Variants in CNOT10 observed in about 807,000 individuals in gnomAD.
CNOT10 encodes CCR4-NOT transcription complex subunit 10, also known as CCR4-NOT transcription complex, subunit 10.
CNOT10 carries 30 observed loss-of-function variants against 94.6 expected under a neutral mutation model. The observed-to-expected ratio is 0.32, with a 90% CI of 0.24 to 0.43. The LOEUF (loss-of-function observed/expected upper bound fraction) is 0.43. Ranked by LOEUF, CNOT10 falls within the 20% of genes least tolerant of loss-of-function variation. CNOT10 has a pLI of 1.00. For synonymous variants in CNOT10, 289 were observed against 301.6 expected (o/e 0.96, Z 0.43); for missense variants, 759 against 877.2 (o/e 0.87, Z 1.70).
At chr3:32,722,965 AAT>A (rs1392807746) in intron 8 of CNOT10, among the ~76,000 whole-genome samples, 2 of 152,204 alleles carry the variant, frequency 1.3e-5, no homozygotes, top group African/African-American at 4.8e-5. Context: ...TTAATTTAAA[AAT>A]ATGTCAGAAG....
At chr3:32,725,235 T>A (rs905718325) in intron 8 of CNOT10, among the ~76,000 whole-genome samples, 33 of 152,318 alleles carry the variant, frequency 2.2e-4, no homozygotes, top group African/African-American at 6.0e-4. Flanking sequence ...CTGGTTTTTT[T>A]AAAATAATTT....
intron 12 of CNOT10, 130 bp from the exon 13 acceptor site, chr3:32,737,280 A>T: frequency 1.7e-6 from 1 of 594,276 alleles, no homozygotes; most frequent in Non-Finnish European, 3.0e-6. Context: ...GTGCAATTGC[A>T]CTCCATCCTG....
intron 18 of CNOT10, among the ~76,000 whole-genome samples, chr3:32,771,854 T>C (rs972887405): frequency 6.6e-6 from 1 of 152,236 alleles, no homozygotes; most frequent in African/African-American, 2.4e-5. Context: ...CTTTGAGTTA[T>C]ACACCATAGT....
At chr3:32,687,326 C>T (rs1361139772) in intron 1 of CNOT10, among the ~76,000 whole-genome samples, 1 of 151,690 alleles carries the variant, frequency 6.6e-6, no homozygotes, top group Admixed American at 6.6e-5. Flanking sequence ...TCATTGAATC[C>T]TGTCATTCCC....
At chr3:32,688,393 G>C (rs181380279) in intron 1 of CNOT10, among the ~76,000 whole-genome samples, 39 of 152,174 alleles carry the variant, frequency 2.6e-4, no homozygotes, top group Admixed American at 2.4e-3. Flanking sequence ...GAGGTCAGGA[G>C]TTCAAAACCA....
chr3:32,698,566 G>A (rs922654002), intron 1 of CNOT10, among the ~76,000 whole-genome samples: 5 of 152,046 alleles, frequency 3.3e-5, no homozygotes, highest in African/African-American at 7.2e-5. Context: ...TTTTAGTTCT[G>A]GTGAAAGGAA....
At chr3:32,728,066 G>A (rs771620837) in intron 10 of CNOT10, among the ~76,000 whole-genome samples, 196 bp downstream of exon 10, 3 of 150,916 alleles carry the variant, frequency 2.0e-5, no homozygotes, top group Non-Finnish European at 4.4e-5. Context: ...TTACGATCTC[G>A]GCTCACTGCA....
intron 1 of CNOT10, among the ~76,000 whole-genome samples, chr3:32,696,572 C>T (rs1294951946): frequency 6.6e-6 from 1 of 152,102 alleles, no homozygotes; most frequent in East Asian, 1.9e-4. Flanking sequence ...TCTTGTCAGC[C>T]TTAGAGTCCA....
chr3:32,753,740 T>G, intron 13 of CNOT10: 1 of 1,600,396 alleles, frequency 6.2e-7, no homozygotes, highest in South Asian at 1.1e-5. Context: ...TTAAACAGAT[T>G]ATTTCAGCAG....
intron 1 of CNOT10, among the ~76,000 whole-genome samples, chr3:32,686,410 T>C (rs924101073): frequency 2.0e-5 from 3 of 152,190 alleles, no homozygotes; most frequent in Non-Finnish European, 2.9e-5. Flanking sequence ...TCACAATAAC[T>C]GACAAATGAA....
intron 9 of CNOT10, among the ~76,000 whole-genome samples, chr3:32,726,236 G>T (rs1698659181): frequency 6.6e-6 from 1 of 152,130 alleles, no homozygotes; most frequent in Admixed American, 6.6e-5. Context: ...AAGCCACTGT[G>T]CCCGGCTTGT....
At chr3:32,730,244 CT>C (rs1638895177) in intron 10 of CNOT10, among the ~76,000 whole-genome samples, 1 of 151,990 alleles carries the variant, frequency 6.6e-6, no homozygotes, top group Non-Finnish European at 1.5e-5. Flanking sequence ...TTTAAATTAA[CT>C]GGTTTTAGAA....
chr3:32,757,444 G>T (rs980010864), intron 13 of CNOT10, among the ~76,000 whole-genome samples: 4 of 152,040 alleles, frequency 2.6e-5, no homozygotes, highest in Non-Finnish European at 5.9e-5. Flanking sequence ...CTCCCAAAGT[G>T]CTGGGATTAC....
intron 13 of CNOT10, among the ~76,000 whole-genome samples, chr3:32,757,054 C>T (rs1190162492): frequency 2.0e-5 from 3 of 146,630 alleles, no homozygotes; most frequent in East Asian, 2.0e-4. Flanking sequence ...TGCAGTCAGC[C>T]GAGATTGCAC....
At chr3:32,692,915 C>T (rs1392116372) in intron 1 of CNOT10, among the ~76,000 whole-genome samples, 3 of 151,932 alleles carry the variant, frequency 2.0e-5, no homozygotes, top group Non-Finnish European at 2.9e-5. Context: ...TGTGCTGCTG[C>T]GTGCCTGTAG....
intron 9 of CNOT10, among the ~76,000 whole-genome samples, chr3:32,727,434 C>A (rs954726702): frequency 6.6e-6 from 1 of 152,142 alleles, no homozygotes; most frequent in Admixed American, 6.5e-5. Flanking sequence ...GCCTGAGGAG[C>A]TGGCAAATGA....
chr3:32,717,125 T>G, intron 6 of CNOT10, 29 bp from the exon 7 acceptor site: 1 of 1,356,478 alleles, frequency 7.4e-7, no homozygotes, highest in Non-Finnish European at 1.0e-6. Flanking sequence ...CACCATAGTT[T>G]TAACATACTA....
intron 10 of CNOT10, chr3:32,730,960 G>A (rs1289255742): frequency 6.6e-6 from 1 of 152,026 alleles, no homozygotes; most frequent in Non-Finnish European, 1.5e-5. Flanking sequence ...ATTATTCTAC[G>A]TTTTTTAGTT....
At chr3:32,767,077 A>G (rs1700676925) in intron 17 of CNOT10, among the ~76,000 whole-genome samples, 1 of 152,218 alleles carries the variant, frequency 6.6e-6, no homozygotes, top group South Asian at 2.1e-4. Flanking sequence ...AGGGAATTGC[A>G]TGGTCAGAGG....
Sources: allele counts gnomAD v4.1 joint callset (sites outside exome capture counted in the v4.1 genomes callset), GRCh38; gene constraint gnomAD v4.1.1; transcripts MANE v1.5; gene names NCBI Gene and HGNC (gene_info 2026-07-23, HGNC 2026-07-21).